DENND1B: variants seen among roughly 807,000 people sequenced by gnomAD.
DENND1B encodes the protein DENN domain containing 1B.
A neutral mutation model predicts 90.1 loss-of-function variants in DENND1B; 59 were observed. That is an observed-to-expected ratio of 0.65 (90% CI 0.53 to 0.81). The LOEUF (loss-of-function observed/expected upper bound fraction) is 0.81. Among genes scored for constraint, DENND1B ranks in the 40% least tolerant of loss-of-function variants. The pLI, the probability that DENND1B is intolerant of heterozygous loss-of-function variation, is 0.00. For missense variants in DENND1B, 862 were observed against 912.6 expected, an observed-to-expected ratio of 0.94 and a Z score of 0.71; for synonymous variants, 337 against 324.6, an observed-to-expected ratio of 1.04 and a Z score of -0.41.
intron 15 of DENND1B, among the ~76,000 whole-genome samples, chr1:197,565,314 G>A (rs1284376470): frequency 6.6e-6 from 1 of 151,934 alleles, no homozygotes; most frequent in Non-Finnish European, 1.5e-5. Context: ...TTATGTCAGG[G>A]AAAGTAGATC....
chr1:197,770,980 C>T (rs549144166), intron 2 of DENND1B, among the ~76,000 whole-genome samples: 22 of 147,448 alleles, frequency 1.5e-4, no homozygotes, highest in Middle Eastern at 7.2e-3. Flanking sequence ...GGTGCTATCT[C>T]GGCGCACTGC....
chr1:197,603,788 C>T (rs1410005355), intron 13 of DENND1B, among the ~76,000 whole-genome samples: 1 of 151,062 alleles, frequency 6.6e-6, no homozygotes, highest in Non-Finnish European at 1.5e-5. Context: ...AGGAATATCT[C>T]AGAAATATAT....
intron 14 of DENND1B, among the ~76,000 whole-genome samples, chr1:197,591,893 G>A (rs1675244287): frequency 6.6e-6 from 1 of 151,928 alleles, no homozygotes; most frequent in Non-Finnish European, 1.5e-5. Flanking sequence ...GGTGTATCAC[G>A]AGGTCAGGAG....
rs73075675 is a variant in DENND1B, at chr1:197,636,747, T to G, written c.672+5964A>C. ...ATATATGATCTGAAAATAATATCTGTGGGAAGTAGTAACTGCTGAACTAAG... is the reference window on the plus strand; with the variant it reads ...ATATATGATCTGAAAATAATATCTGGGGGAAGTAGTAACTGCTGAACTAAG... On this transcript the variant is annotated intron_variant, in intron 10 of 22. Transcript: ENST00000620048. Among the ~76,000 whole-genome samples, 34 of 152,152 alleles carry G rather than the reference T, an allele frequency of 2.2e-4. 1 individual carries two copies. Among genetic ancestry groups the G allele is most frequent in the African/African-American group, 6.7e-4 (28 of 41,502 alleles).
intron 14 of DENND1B, among the ~76,000 whole-genome samples, chr1:197,586,192 T>C (rs1194570848): frequency 1.3e-5 from 2 of 152,154 alleles, no homozygotes; most frequent in African/African-American, 2.4e-5. Flanking sequence ...GTTGGCAATA[T>C]TGCAATAGAC....
chr1:197,617,765 AT>A lies in DENND1B; in HGVS notation c.673-7del, dbSNP rs1677788694. 1 of 1,602,880 alleles carries A rather than the reference AT, an allele frequency of 6.2e-7. No individual in the cohort carries two copies. Among genetic ancestry groups the A allele is most frequent in the African/African-American group, 1.3e-5 (1 of 74,306 alleles). On this transcript the variant is annotated splice_polypyrimidine_tract_variant and splice_region_variant and intron_variant, in intron 10 of 22. Coordinates refer to ENST00000620048, the MANE Select transcript of DENND1B (RefSeq NM_001195215.2). ...CCATGGATACAGGCAGTTAACTGAA[AT>A]TTGTAAAAGGATAACAAAAATAAGT...
chr1:197,536,512 A>G (rs1479005734), intron 20 of DENND1B, among the ~76,000 whole-genome samples: 20 of 152,206 alleles, frequency 1.3e-4, no homozygotes, highest in Non-Finnish European at 1.3e-4. Flanking sequence ...CAAAGAAGTA[A>G]CATTAGTAAT....
At chr1:197,538,467 G>C (rs1038491174) in intron 20 of DENND1B, among the ~76,000 whole-genome samples, 1 of 152,070 alleles carries the variant, frequency 6.6e-6, no homozygotes, top group African/African-American at 2.4e-5. Context: ...CTGACTATCA[G>C]TATGCTACAA....
chr1:197,707,787 G>A (rs920246614), intron 3 of DENND1B, among the ~76,000 whole-genome samples: 32 of 148,544 alleles, frequency 2.2e-4, no homozygotes, highest in Non-Finnish European at 1.0e-4. Context: ...CGCAGAAGAC[G>A]GGTGATTTCT....
chr1:197,573,608 A>G (rs1044308969), intron 15 of DENND1B, among the ~76,000 whole-genome samples: 3 of 152,220 alleles, frequency 2.0e-5, no homozygotes, highest in African/African-American at 4.8e-5. Flanking sequence ...TTATGAGGCC[A>G]GTATCGTCTG....
chr1:197,653,332 G>C (rs969084550), intron 6 of DENND1B, among the ~76,000 whole-genome samples: 3 of 152,036 alleles, frequency 2.0e-5, no homozygotes, highest in East Asian at 3.9e-4. Context: ...CTTGTGCAAG[G>C]ACTGCAAAAT....
chr1:197,736,159 G>T (rs758634276), intron 2 of DENND1B: 4 of 560,278 alleles, frequency 7.1e-6, no homozygotes, highest in African/African-American at 4.0e-5. Context: ...AAAAAAAAAA[G>T]AAAATATAGG....
At chr1:197,746,921 A>G (rs1475034036) in intron 2 of DENND1B, 23 of 1,575,078 alleles carry the variant, frequency 1.5e-5, no homozygotes, top group Non-Finnish European at 2.0e-5. Flanking sequence ...TCGAGTAGCT[A>G]GCTGGTTTTT....
At chr1:197,529,203 GAT>G (rs71131771) in intron 20 of DENND1B, among the ~76,000 whole-genome samples, 2,490 of 116,894 alleles carry the variant, frequency 0.021, 23 homozygotes, top group African/African-American at 0.042. Flanking sequence ...AGTTAAGAGT[GAT>G]ATATATATAT....
At chr1:197,676,463 G>A (rs1160266989) in intron 3 of DENND1B, among the ~76,000 whole-genome samples, 1 of 151,856 alleles carries the variant, frequency 6.6e-6, no homozygotes, top group Non-Finnish European at 1.5e-5. Flanking sequence ...CGAAATCCTA[G>A]GTTAGCATCC....
At chr1:197,530,203 AGAACTTT>A (rs1669519671) in intron 20 of DENND1B, among the ~76,000 whole-genome samples, 1 of 152,244 alleles carries the variant, frequency 6.6e-6, no homozygotes, top group African/African-American at 2.4e-5. Context: ...ACACAGGCTT[AGAACTTT>A]GTTCTTTTCT....
intron 13 of DENND1B, chr1:197,606,071 T>A (rs988137276): frequency 2.0e-5 from 3 of 151,218 alleles, no homozygotes; most frequent in South Asian, 2.1e-4. Context: ...TTTGTTTTTT[T>A]AAAAAGGAAG....
At chr1:197,656,831 G>C (rs1486225682) in intron 6 of DENND1B, among the ~76,000 whole-genome samples, 1 of 149,550 alleles carries the variant, frequency 6.7e-6, no homozygotes, top group Non-Finnish European at 1.5e-5. Flanking sequence ...AAAAATCAAA[G>C]ATTAAGGGAA....
chr1:197,705,729 A>AATAT (rs141504424), intron 3 of DENND1B, among the ~76,000 whole-genome samples: 10 of 148,482 alleles, frequency 6.7e-5, no homozygotes, highest in South Asian at 6.4e-4. Context: ...AGAAGACTAA[A>AATAT]ATATATATAT....
Sources: allele counts gnomAD v4.1 joint callset (sites outside exome capture counted in the v4.1 genomes callset), GRCh38; gene constraint gnomAD v4.1.1; transcripts MANE v1.5; gene names NCBI Gene and HGNC (gene_info 2026-07-23, HGNC 2026-07-21).